Variants in SUGCT observed in about 807,000 individuals in gnomAD.
The protein encoded by SUGCT is succinyl-CoA:glutarate-CoA transferase, also known as succinyl-CoA:glutarate CoA-transferase.
Under a neutral mutation model 55.0 loss-of-function variants are expected in SUGCT, and 41 were observed. That is an observed-to-expected ratio of 0.74 (90% CI 0.58 to 0.97). The LOEUF (loss-of-function observed/expected upper bound fraction) is 0.97. Among genes scored for constraint, SUGCT ranks in the 50% least tolerant of loss-of-function variants. The pLI is 0.00. For missense variants in SUGCT, 568 were observed against 547.8 expected (o/e 1.04, Z -0.37); for synonymous variants, 187 against 200.4 (o/e 0.93, Z 0.56).
At chr7:40,480,037 T>C (rs1449812132) in intron 11 of SUGCT, among the ~76,000 whole-genome samples, 1 of 152,158 alleles carries the variant, frequency 6.6e-6, no homozygotes, top group Non-Finnish European at 1.5e-5. Context: ...ATCTCATTTG[T>C]CTATTTTTGC....
Position 40,178,161 on chromosome 7 carries a change from C to G in SUGCT, c.101-2786C>G, listed in dbSNP as rs531482912. ...TTTAATTTGGGGTCTTCTTCTACAT[C>G]TTGCATTTTCCTTGCCTTTTTATTT... On this transcript the variant is annotated intron_variant, in intron 1 of 13. Transcript: ENST00000335693. 2.6e-5 allele frequency among the ~76,000 whole-genome samples: 4 copies of G among 152,344 alleles called. No individual in the cohort carries two copies. The South Asian group carries it at 8.3e-4, about 32-fold the overall frequency.
At chr7:40,684,069 G>T in intron 12 of SUGCT, 1 of 1,612,158 alleles carries the variant, frequency 6.2e-7, no homozygotes, top group East Asian at 2.2e-5. Context: ...GCTGTCTCTG[G>T]CTTCCAAAGC....
chr7:40,267,995 A>G (rs1377451687), intron 7 of SUGCT, among the ~76,000 whole-genome samples: 4 of 152,184 alleles, frequency 2.6e-5, no homozygotes, highest in Non-Finnish European at 5.9e-5. Flanking sequence ...TAGAATTTTT[A>G]CTAAATACAT....
chr7:41,016,336 T>C, the SUGCT span, among the ~76,000 whole-genome samples: 1 of 152,180 alleles, frequency 6.6e-6, no homozygotes, highest in African/African-American at 2.4e-5. Flanking sequence ...CATGCATAAA[T>C]AAAATAGAAA....
At chr7:40,465,258 G>A (rs1790038606) in intron 11 of SUGCT, among the ~76,000 whole-genome samples, 2 of 152,044 alleles carry the variant, frequency 1.3e-5, no homozygotes, top group South Asian at 4.2e-4. Flanking sequence ...CTATATCAGG[G>A]CCTTTTAACA....
chr7:40,450,412 CTT>C (rs529151274), intron 10 of SUGCT, among the ~76,000 whole-genome samples: 7 of 138,752 alleles, frequency 5.0e-5, no homozygotes, highest in Non-Finnish European at 4.7e-5. Context: ...GGATTTTTTT[CTT>C]TTTTTTTTTT....
At chr7:40,901,660 T>A in the SUGCT span, among the ~76,000 whole-genome samples, 3 of 152,132 alleles carry the variant, frequency 2.0e-5, no homozygotes, top group Non-Finnish European at 4.4e-5. Context: ...GGCACATAGA[T>A]CCCAAAGCAA....
chr7:40,204,549 G>A (rs149689789), intron 6 of SUGCT, among the ~76,000 whole-genome samples: 2,545 of 152,042 alleles, frequency 0.017, 69 homozygotes, highest in African/African-American at 0.059. Flanking sequence ...TGATCTGCCC[G>A]CCTCGGCCTC....
chr7:40,473,437 T>C (rs1197441086), intron 11 of SUGCT, among the ~76,000 whole-genome samples: 2 of 152,200 alleles, frequency 1.3e-5, no homozygotes, highest in Non-Finnish European at 2.9e-5. Flanking sequence ...AAAGTTAAGA[T>C]TGCATTTAGT....
chr7:40,354,839 T>C (rs1036163486), intron 9 of SUGCT, among the ~76,000 whole-genome samples: 1 of 152,222 alleles, frequency 6.6e-6, no homozygotes, highest in African/African-American at 2.4e-5. Context: ...GTTAATACTT[T>C]TGGTGCCAAG....
At chr7:40,915,783 C>G in the SUGCT span, among the ~76,000 whole-genome samples, 4 of 152,178 alleles carry the variant, frequency 2.6e-5, no homozygotes, top group Admixed American at 2.6e-4. Flanking sequence ...TACTATGTTC[C>G]AGACAATGTA....
At chr7:40,374,946 A>C (rs978458558) in intron 9 of SUGCT, among the ~76,000 whole-genome samples, 1 of 151,666 alleles carries the variant, frequency 6.6e-6, no homozygotes, top group Non-Finnish European at 1.5e-5. Context: ...CCCCAACTCC[A>C]CTCCCTCTTC....
At chr7:40,135,176 C>T (rs1344635888) in intron 1 of SUGCT, 56 bp downstream of exon 1, 1 of 1,506,004 alleles carries the variant, frequency 6.6e-7, no homozygotes, top group African/African-American at 1.4e-5. Context: ...CAGCTTGCCT[C>T]CTCGGGCGCC....
chr7:40,450,699 G>A lies in SUGCT; in HGVS notation c.888+1341G>A, dbSNP rs138819550. ...TGAGGCAGGAGAATTGCTTGAACCC[G>A]GGAGGCGGAGGTTGCAGTGAGCCGA... is the stretch of plus-strand genomic sequence containing the variant. On this transcript the variant is annotated intron_variant, in intron 10 of 13. Coordinates refer to ENST00000335693, the MANE Select transcript of SUGCT (RefSeq NM_001193313.2). Among the ~76,000 whole-genome samples, 1,361 of 151,990 alleles carry A rather than the reference G, an allele frequency of 9.0e-3. 22 individuals carry two copies. The highest frequency in any genetic ancestry group is 0.031 in the African/African-American group (1,267 of 41,454).
intron 1 of SUGCT, among the ~76,000 whole-genome samples, chr7:40,172,861 A>C (rs536976199): frequency 1.3e-5 from 2 of 152,336 alleles, no homozygotes; most frequent in African/African-American, 4.8e-5. Context: ...TGTTAAGTCC[A>C]GCAGCCATGC....
chr7:40,168,222 C>T (rs1384998606), intron 1 of SUGCT, among the ~76,000 whole-genome samples: 1 of 152,162 alleles, frequency 6.6e-6, no homozygotes, highest in East Asian at 1.9e-4. Flanking sequence ...TCCTGTCTCT[C>T]AGTACCCCCC....
chr7:40,914,433 C>T, the SUGCT span, among the ~76,000 whole-genome samples: 2 of 152,076 alleles, frequency 1.3e-5, no homozygotes, highest in South Asian at 4.2e-4. Flanking sequence ...TTCTTTTCAG[C>T]CCTCTACAAA....
At chr7:40,363,385 G>C (rs183155460) in intron 9 of SUGCT, among the ~76,000 whole-genome samples, 125 of 152,192 alleles carry the variant, frequency 8.2e-4, no homozygotes, top group African/African-American at 2.9e-3. Context: ...TGGTTTTCTA[G>C]TTCTTTTAAT....
intron 12 of SUGCT, among the ~76,000 whole-genome samples, chr7:40,720,330 G>A (rs1786260158): frequency 6.6e-6 from 1 of 152,154 alleles, no homozygotes; most frequent in Admixed American, 6.5e-5. Flanking sequence ...CAAAGATATG[G>A]CATAAAAATG....
Sources: gnomAD v4.1 joint callset for allele counts (sites outside exome capture counted in the v4.1 genomes callset) on GRCh38, gnomAD v4.1.1 for gene constraint, MANE v1.5 for transcripts, NCBI Gene and HGNC (gene_info 2026-07-23, HGNC 2026-07-21) for gene names.